PLXDC2: variants seen among roughly 807,000 people sequenced by gnomAD.
PLXDC2 encodes plexin domain-containing protein 2.
PLXDC2 carries 40 observed loss-of-function variants against 68.9 expected under a neutral mutation model. The ratio of observed to expected loss-of-function variants is 0.58; its 90% CI spans 0.45 to 0.76. The LOEUF is 0.76. PLXDC2 is among the 30% of genes least tolerant of loss of function. The probability of loss-of-function intolerance (pLI) is 0.00; values close to 1 mark genes in which losing one functional copy is unlikely to be tolerated. For missense variants in PLXDC2, 644 were observed against 661.9 expected, an observed-to-expected ratio of 0.97 and a Z score of 0.30; for synonymous variants, 243 against 234.2, an observed-to-expected ratio of 1.04 and a Z score of -0.34.
chr10:19,913,768 TA>T (rs1267130818), intron 1 of PLXDC2, among the ~76,000 whole-genome samples: 1 of 152,198 alleles, frequency 6.6e-6, no homozygotes, highest in East Asian at 1.9e-4. Context: ...CTTTCATTAT[TA>T]TTTTCTGTTT....
chr10:19,862,589 C>A (rs2131336086), intron 1 of PLXDC2, among the ~76,000 whole-genome samples: 1 of 152,274 alleles, frequency 6.6e-6, no homozygotes, highest in Middle Eastern at 3.4e-3. Flanking sequence ...TGAATCAGCT[C>A]ATGAATCATA....
chr10:20,062,652 T>A (rs1836127602), intron 3 of PLXDC2, among the ~76,000 whole-genome samples: 1 of 152,006 alleles, frequency 6.6e-6, no homozygotes, highest in African/African-American at 2.4e-5. Context: ...TTATGATGAG[T>A]AAAGGAGCAA....
At chr10:20,219,508 A>G (rs1404706451) in intron 12 of PLXDC2, among the ~76,000 whole-genome samples, 3 of 152,172 alleles carry the variant, frequency 2.0e-5, no homozygotes, top group Admixed American at 6.5e-5. Flanking sequence ...ATGAAAATAT[A>G]TTGTCCTAGG....
At chr10:19,907,591 C>G (rs1160283517) in intron 1 of PLXDC2, among the ~76,000 whole-genome samples, 2 of 152,186 alleles carry the variant, frequency 1.3e-5, no homozygotes, top group African/African-American at 4.8e-5. Flanking sequence ...AAAGCAATGG[C>G]AACATACCAT....
intron 9 of PLXDC2, among the ~76,000 whole-genome samples, chr10:20,182,835 G>A (rs4567351): frequency 0.37 from 55,562 of 151,642 alleles, 11,409 homozygotes; most frequent in Middle Eastern, 0.49. Context: ...TCCTACTGCT[G>A]TCCCTCCCCT....
chr10:20,054,275 T>G (rs1196010347), intron 3 of PLXDC2, among the ~76,000 whole-genome samples: 2 of 151,968 alleles, frequency 1.3e-5, no homozygotes, highest in Non-Finnish European at 1.5e-5. Flanking sequence ...TTGAGGATGG[T>G]CAGATAGCAA....
chr10:20,234,458 T>C (rs979271054), intron 12 of PLXDC2, among the ~76,000 whole-genome samples: 2 of 152,162 alleles, frequency 1.3e-5, no homozygotes, highest in African/African-American at 4.8e-5. Context: ...CTGTCCATGT[T>C]AAAGGCATTG....
intron 2 of PLXDC2, among the ~76,000 whole-genome samples, chr10:20,022,337 A>G (rs932824502): frequency 6.6e-6 from 1 of 152,198 alleles, no homozygotes; most frequent in African/African-American, 2.4e-5. Context: ...AATAAAGTAA[A>G]CAAATAAATC....
intron 4 of PLXDC2, among the ~76,000 whole-genome samples, chr10:20,128,248 A>G (rs1833818722): frequency 6.6e-6 from 1 of 152,194 alleles, no homozygotes; most frequent in African/African-American, 2.4e-5. Flanking sequence ...GCATTTGACA[A>G]CAGGATCTCC....
At chr10:19,839,511 G>A (rs1056056526) in intron 1 of PLXDC2, among the ~76,000 whole-genome samples, 34 of 152,148 alleles carry the variant, frequency 2.2e-4, no homozygotes, top group African/African-American at 8.2e-4. Context: ...TAAAGAACTG[G>A]CCTGGGTTTG....
chr10:19,883,884 C>CTCTT, intron 1 of PLXDC2, among the ~76,000 whole-genome samples: 1 of 55,106 alleles, frequency 1.8e-5, no homozygotes, highest in East Asian at 7.4e-4. Flanking sequence ...TCCCTTTAAA[C>CTCTT]TTTTTTTTTT....
At chr10:20,209,615 G>A (rs1026267263) in intron 9 of PLXDC2, among the ~76,000 whole-genome samples, 12 of 151,920 alleles carry the variant, frequency 7.9e-5, no homozygotes, top group Non-Finnish European at 1.3e-4. Flanking sequence ...TGTTCCGCCC[G>A]GCTCACCAGC....
At chr10:19,892,623 A>G (rs1371809687) in intron 1 of PLXDC2, among the ~76,000 whole-genome samples, 2 of 152,224 alleles carry the variant, frequency 1.3e-5, no homozygotes, top group South Asian at 2.1e-4. Context: ...ATATTTGGCT[A>G]TAAAAGCCCA....
rs569900423 is a variant in PLXDC2 at position 19,912,188 on chromosome 10, G to C, written c.113-89587G>C. Among the ~76,000 whole-genome samples, 4 of 152,282 alleles carry C rather than the reference G, an allele frequency of 2.6e-5. No homozygotes were observed. In the South Asian group the frequency reaches 6.2e-4, roughly 24 times the overall value. On this transcript the variant is annotated intron_variant, in intron 1 of 13. Transcript: ENST00000377252. ...ACAGAGCTATTAGAGCTGAGCTGCT[G>C]AATGCTTTATCTTAGTGGGTTTTTT... is the stretch of plus-strand genomic sequence containing the variant.
Position 20,123,828 on chromosome 10 carries a change from C to T in PLXDC2, c.542-19467C>T, listed in dbSNP as rs142039550. On this transcript the variant is annotated intron_variant, in intron 4 of 13. Coordinates refer to ENST00000377252, the MANE Select transcript of PLXDC2 (RefSeq NM_032812.9). ...GGCGAGGAAATAAGGGATCAGGGTG[C>T]AGAGATATAAGAGGTTGGGGCATGG... Among the ~76,000 whole-genome samples the T allele has an allele frequency of 3.8e-3, 578 of 151,012 alleles. 8 individuals are homozygous for T. The highest frequency in any genetic ancestry group is 0.013 in the African/African-American group (540 of 41,026).
intron 1 of PLXDC2, among the ~76,000 whole-genome samples, chr10:19,953,058 G>T (rs555094835): frequency 6.6e-6 from 1 of 152,278 alleles, no homozygotes; most frequent in South Asian, 2.1e-4. Flanking sequence ...TAGAGACAGG[G>T]TTTGACCATG....
chr10:20,074,898 A>T (rs918349347), intron 4 of PLXDC2, among the ~76,000 whole-genome samples: 1 of 152,084 alleles, frequency 6.6e-6, no homozygotes, highest in African/African-American at 2.4e-5. Context: ...ATCACAGGTT[A>T]TGGTAATCTG....
chr10:19,950,301 G>C (rs1022226110), intron 1 of PLXDC2, among the ~76,000 whole-genome samples: 1 of 152,104 alleles, frequency 6.6e-6, no homozygotes, highest in Non-Finnish European at 1.5e-5. Flanking sequence ...ACTGATAAAT[G>C]ACTTCAGTAA....
At chr10:20,152,355 A>G (rs1834163461) in intron 6 of PLXDC2, among the ~76,000 whole-genome samples, 1 of 152,096 alleles carries the variant, frequency 6.6e-6, no homozygotes, top group Non-Finnish European at 1.5e-5. Flanking sequence ...TGGAGAGAAG[A>G]CTTGTGGAGG....
Sources: gnomAD v4.1 joint callset for allele counts (sites outside exome capture counted in the v4.1 genomes callset) on GRCh38, gnomAD v4.1.1 for gene constraint, MANE v1.5 for transcripts, NCBI Gene and HGNC (gene_info 2026-07-23, HGNC 2026-07-21) for gene names.